Variants in GPR158 observed in about 807,000 individuals in gnomAD.
The protein encoded by GPR158 is G protein-coupled receptor 158, also known as metabotropic glycine receptor.
A neutral mutation model predicts 78.2 loss-of-function variants in GPR158; 30 were observed. That is an observed-to-expected ratio of 0.38 (90% CI 0.29 to 0.52). The LOEUF (loss-of-function observed/expected upper bound fraction) is 0.52, where lower values mean the gene tolerates loss of function less well. Among genes scored for constraint, GPR158 ranks in the 20% least tolerant of loss-of-function variants. The probability of loss-of-function intolerance (pLI) is 0.83; values close to 1 mark genes in which losing one functional copy is unlikely to be tolerated. For synonymous variants in GPR158, 581 were observed against 591.1 expected, an observed-to-expected ratio of 0.98 and a Z score of 0.25; for missense variants, 1,463 against 1,523.5, an observed-to-expected ratio of 0.96 and a Z score of 0.66.
At chr10:25,259,725 G>T (rs1420006078) in intron 2 of GPR158, among the ~76,000 whole-genome samples, 1 of 152,140 alleles carries the variant, frequency 6.6e-6, no homozygotes, top group Non-Finnish European at 1.5e-5. Flanking sequence ...TGAACATATT[G>T]TATCTCTGCT....
intron 2 of GPR158, among the ~76,000 whole-genome samples, chr10:25,250,010 G>T (rs1356879448): frequency 2.1e-5 from 3 of 145,582 alleles, no homozygotes; most frequent in Non-Finnish European, 4.5e-5. Flanking sequence ...GGTCTATTCA[G>T]AGATTCAACT....
intron 4 of GPR158, among the ~76,000 whole-genome samples, chr10:25,462,543 A>G (rs1835370044): frequency 1.3e-5 from 2 of 152,218 alleles, no homozygotes; most frequent in Admixed American, 1.3e-4. Context: ...GGCAAAGTAA[A>G]CTGAAAACCT....
intron 2 of GPR158, among the ~76,000 whole-genome samples, chr10:25,223,044 T>C (rs969287566): frequency 2.6e-5 from 4 of 152,206 alleles, no homozygotes; most frequent in African/African-American, 4.8e-5. Flanking sequence ...GGGTTTTGTG[T>C]CTTTTTAAAG....
intron 2 of GPR158, among the ~76,000 whole-genome samples, chr10:25,284,072 A>G (rs146983405): frequency 0.012 from 1,821 of 152,164 alleles, 26 homozygotes; most frequent in South Asian, 0.058. Context: ...ATACTTGAAA[A>G]TAAGATATAT....
At chr10:25,216,624 T>G (rs1187352965) in intron 1 of GPR158, among the ~76,000 whole-genome samples, 3 of 152,162 alleles carry the variant, frequency 2.0e-5, no homozygotes, top group Non-Finnish European at 4.4e-5. Flanking sequence ...AAACATATCA[T>G]TGAAAATCAA....
chr10:25,584,025 A>G (rs996180703), intron 7 of GPR158, among the ~76,000 whole-genome samples: 15 of 152,200 alleles, frequency 9.9e-5, no homozygotes, highest in Admixed American at 9.2e-4. Flanking sequence ...TAACTTGAAA[A>G]TACTCTCCTT....
chr10:25,402,118 C>T (rs1252886261), intron 3 of GPR158, among the ~76,000 whole-genome samples: 1 of 152,090 alleles, frequency 6.6e-6, no homozygotes, highest in Non-Finnish European at 1.5e-5. Flanking sequence ...ACTCTTTGTG[C>T]CTCCTGGTAT....
At chr10:25,462,725 AAG>A (rs1835372231) in intron 4 of GPR158, among the ~76,000 whole-genome samples, 1 of 152,234 alleles carries the variant, frequency 6.6e-6, no homozygotes, top group South Asian at 2.1e-4. Flanking sequence ...TGAAAATAGC[AAG>A]AGAATTAGAA....
At chr10:25,203,641 GT>G (rs1473003074) in intron 1 of GPR158, among the ~76,000 whole-genome samples, 2 of 145,090 alleles carry the variant, frequency 1.4e-5, no homozygotes, top group African/African-American at 2.6e-5. Context: ...GTACCATGCT[GT>G]TTTTGGTTAC....
chr10:25,312,164 C>T (rs1032221160), intron 2 of GPR158, among the ~76,000 whole-genome samples: 11 of 151,838 alleles, frequency 7.2e-5, no homozygotes, highest in South Asian at 4.2e-4. Flanking sequence ...ATGTTATTTC[C>T]GATCTGAAAC....
chr10:25,372,924 A>G (rs188453507), intron 2 of GPR158, among the ~76,000 whole-genome samples: 28 of 152,124 alleles, frequency 1.8e-4, no homozygotes, highest in Non-Finnish European at 3.4e-4. Flanking sequence ...CAGAACTGTC[A>G]TTTGACTCAG....
intron 1 of GPR158, among the ~76,000 whole-genome samples, chr10:25,181,497 G>T (rs766437320): frequency 9.2e-5 from 14 of 152,108 alleles, no homozygotes; most frequent in Non-Finnish European, 1.5e-4. Flanking sequence ...CATTATGAAG[G>T]CTTGTGATGG....
chr10:25,348,733 A>G (rs187222847), intron 2 of GPR158, among the ~76,000 whole-genome samples: 4 of 152,092 alleles, frequency 2.6e-5, no homozygotes, highest in African/African-American at 9.6e-5. Context: ...ATTTTTCCCT[A>G]TCAGCAGGAT....
At chr10:25,427,498 G>A (rs1488476503) in intron 4 of GPR158, among the ~76,000 whole-genome samples, 1 of 151,956 alleles carries the variant, frequency 6.6e-6, no homozygotes, top group African/African-American at 2.4e-5. Context: ...AGTCAGTATT[G>A]TATCTACCTA....
At chr10:25,557,918 G>A (rs1027574572) in intron 6 of GPR158, among the ~76,000 whole-genome samples, 6 of 152,160 alleles carry the variant, frequency 3.9e-5, no homozygotes, top group African/African-American at 1.4e-4. Flanking sequence ...CAGAACTAAG[G>A]AGACTTAAAG....
chr10:25,379,647 C>CTTTTTTTTTTTTTTT (rs11393897), intron 2 of GPR158, among the ~76,000 whole-genome samples: 1 of 106,986 alleles, frequency 9.3e-6, no homozygotes, highest in Non-Finnish European at 1.8e-5. Context: ...TGAGGATTAG[C>CTTTTTTTTTTTTTTT]TTTTTTTTTT....
At chr10:25,576,829 GT>G (rs1837104467) in intron 7 of GPR158, among the ~76,000 whole-genome samples, 1 of 152,080 alleles carries the variant, frequency 6.6e-6, no homozygotes, top group Non-Finnish European at 1.5e-5. Context: ...ATCAAGACTC[GT>G]GATGAGAGTG....
chr10:25,282,467 G>C (rs1454323341), intron 2 of GPR158, among the ~76,000 whole-genome samples: 1 of 152,094 alleles, frequency 6.6e-6, no homozygotes, highest in African/African-American at 2.4e-5. Context: ...GTCAACATAA[G>C]TTTTTATTTC....
intron 2 of GPR158, among the ~76,000 whole-genome samples, chr10:25,341,679 T>A (rs1855304406): frequency 6.6e-6 from 1 of 151,940 alleles, no homozygotes; most frequent in Non-Finnish European, 1.5e-5. Flanking sequence ...AAGCAAATCA[T>A]TCGTCTCTCC....
Sources: gnomAD v4.1 joint callset for allele counts (sites outside exome capture counted in the v4.1 genomes callset) on GRCh38, gnomAD v4.1.1 for gene constraint, MANE v1.5 for transcripts, NCBI Gene and HGNC (gene_info 2026-07-23, HGNC 2026-07-21) for gene names.